ZNF69: variants seen among roughly 807,000 people sequenced by gnomAD.
The protein encoded by ZNF69 is zinc finger protein 69.
A neutral mutation model predicts 50.9 loss-of-function variants in ZNF69; 47 were observed. That is an observed-to-expected ratio of 0.92 (90% CI 0.73 to 1.18). The LOEUF (loss-of-function observed/expected upper bound fraction) is 1.18. ZNF69 is among the 50% of genes most tolerant of loss of function. ZNF69 has a pLI of 0.00. For synonymous variants in ZNF69, 216 were observed against 223.1 expected (o/e 0.97, Z 0.29); for missense variants, 717 against 675.1 (o/e 1.06, Z -0.69).
At position 11,889,222 on chromosome 19, in the gene ZNF69, C is replaced by A. The variant is rs372073519; in HGVS notation, c.63+1236C>A. On this transcript the variant is annotated intron_variant, in intron 1 of 3. Coordinates refer to ENST00000429654, the MANE Select transcript of ZNF69 (RefSeq NM_001364730.1). The stretch of plus-strand genomic sequence containing the variant: ...TAAGGTGTGACTTACCCTTGTCTTG[C>A]GTGGCCTTAGGTCTTGTTTGTAATT... Among the ~76,000 whole-genome samples the A allele has an allele frequency of 5.9e-5, 9 of 152,280 alleles. No individual in the cohort carries two copies. The East Asian group carries it at 1.5e-3, about 26-fold the overall frequency.
At chr19:11,944,506 C>T in the ZNF69 span, among the ~76,000 whole-genome samples, 10 of 152,196 alleles carry the variant, frequency 6.6e-5, no homozygotes, top group African/African-American at 1.7e-4. Context: ...CAGCCACAAA[C>T]GCTGGCCTGT....
chr19:11,925,250 G>A, the ZNF69 span: 8 of 1,612,874 alleles, frequency 5.0e-6, no homozygotes, highest in Non-Finnish European at 6.8e-6. Flanking sequence ...AGAGGACCCC[G>A]GTACATCTGA....
chr19:11,921,294 C>CAAGTAGCTGGGAA, the ZNF69 span, among the ~76,000 whole-genome samples: 64 of 151,982 alleles, frequency 4.2e-4, no homozygotes, highest in African/African-American at 1.5e-3. Flanking sequence ...CTCAGCCTCC[C>CAAGTAGCTGGGAA]AAGTAGCTGG....
chr19:11,977,800 G>A, the ZNF69 span, among the ~76,000 whole-genome samples: 2,873 of 152,306 alleles, frequency 0.019, 35 homozygotes, highest in African/African-American at 0.026. Context: ...AAAGGCTGTG[G>A]TAAGCAATGA....
At chr19:11,914,506 T>C (rs1406760770), downstream of ZNF69, among the ~76,000 whole-genome samples, 1 of 152,214 alleles carries the variant, frequency 6.6e-6, no homozygotes, top group African/African-American at 2.4e-5. Flanking sequence ...TTTCAATTGC[T>C]TTACTGAGTC....
the ZNF69 span, among the ~76,000 whole-genome samples, chr19:11,928,526 A>G: frequency 6.6e-6 from 1 of 151,008 alleles, no homozygotes; most frequent in East Asian, 1.9e-4. Flanking sequence ...AGGTCAGGAG[A>G]TCGAGACCAT....
At chr19:11,959,862 AAT>A in the ZNF69 span, among the ~76,000 whole-genome samples, 1 of 152,060 alleles carries the variant, frequency 6.6e-6, no homozygotes, top group African/African-American at 2.4e-5. Context: ...CAACACTTTG[AAT>A]TATCTAACTC....
the ZNF69 span, chr19:11,977,531 T>C: frequency 7.2e-7 from 1 of 1,395,662 alleles, no homozygotes; most frequent in Non-Finnish European, 9.9e-7. Context: ...CAGTATCAAA[T>C]TCATCTCTTC....
chr19:11,961,168 C>T, the ZNF69 span, among the ~76,000 whole-genome samples: 5 of 152,104 alleles, frequency 3.3e-5, no homozygotes, highest in African/African-American at 9.7e-5. Context: ...TATTTGGACA[C>T]GACGAACCTT....
At chr19:11,903,441 G>A (rs1490668019) in intron 1 of ZNF69, 132 bp from the exon 2 acceptor site, 1 of 1,438,062 alleles carries the variant, frequency 7.0e-7, no homozygotes, top group Non-Finnish European at 9.4e-7. Flanking sequence ...AAGAAAGTAA[G>A]TATACACAGG....
the ZNF69 span, chr19:11,978,563 A>T: frequency 6.2e-6 from 10 of 1,614,082 alleles, no homozygotes; most frequent in South Asian, 1.1e-5. Context: ...ATTGTCTCAG[A>T]TTATATCTTA....
At chr19:11,888,057 G>A in intron 1 of ZNF69, 71 bp downstream of exon 1, 1 of 1,503,172 alleles carries the variant, frequency 6.7e-7, no homozygotes, top group Non-Finnish European at 9.2e-7. Context: ...CGACTGTGGC[G>A]AGACCCTGGC....
intron 1 of ZNF69, among the ~76,000 whole-genome samples, chr19:11,898,385 CTTT>C (rs745487579): frequency 3.3e-5 from 3 of 91,872 alleles, no homozygotes; most frequent in African/African-American, 9.2e-5. Context: ...TTCCTCCTGG[CTTT>C]TTTTTTTTTT....
In ZNF69 at chr19:11,906,510, G is replaced by A. The variant is rs971743891; in HGVS notation, c.*412G>A. 1.6e-4 allele frequency among the ~76,000 whole-genome samples: 24 copies of A among 152,170 alleles called. No individual in the cohort carries two copies. The highest frequency in any genetic ancestry group is 5.1e-4 in the African/African-American group (21 of 41,436). On this transcript the variant is annotated 3_prime_UTR_variant, in exon 4 of 4. Transcript: ENST00000429654. The stretch of plus-strand genomic sequence containing the variant: ...GAAGGATCAGGCAACAACATTTGCC[G>A]TTCTGCAATATTTGCTGTTCTGCAG...
the ZNF69 span, chr19:11,961,769 C>T: frequency 6.6e-6 from 1 of 152,034 alleles, no homozygotes; most frequent in Non-Finnish European, 1.5e-5. Context: ...GTGCGTGCCA[C>T]CACATCTGGA....
chr19:11,938,430 T>A, the ZNF69 span, among the ~76,000 whole-genome samples: 1 of 152,118 alleles, frequency 6.6e-6, no homozygotes, highest in East Asian at 1.9e-4. Flanking sequence ...TTCCCCTCCC[T>A]GGGTCCAAGT....
chr19:11,939,278 G>A, the ZNF69 span, among the ~76,000 whole-genome samples: 1 of 152,202 alleles, frequency 6.6e-6, no homozygotes, highest in African/African-American at 2.4e-5. Context: ...TGCTTTTGGT[G>A]TTTTAGTGAT....
the ZNF69 span, among the ~76,000 whole-genome samples, chr19:11,962,942 CT>C: frequency 2.0e-3 from 309 of 152,242 alleles, 1 homozygote; most frequent in African/African-American, 6.7e-3. Flanking sequence ...GGAGGTCATC[CT>C]GCCTGGTAAA....
chr19:11,979,405 A>G, the ZNF69 span: 3 of 1,610,110 alleles, frequency 1.9e-6, no homozygotes, highest in Non-Finnish European at 2.5e-6. Context: ...CACACCTTCA[A>G]ATTCATGAAA....
Sources: gnomAD v4.1 joint callset for allele counts (sites outside exome capture counted in the v4.1 genomes callset) on GRCh38, gnomAD v4.1.1 for gene constraint, MANE v1.5 for transcripts, NCBI Gene and HGNC (gene_info 2026-07-23, HGNC 2026-07-21) for gene names.